Variants in CNOT7 observed in about 807,000 individuals in gnomAD.
The protein encoded by CNOT7 is CCR4-NOT transcription complex subunit 7.
CNOT7 carries 4 observed loss-of-function variants against 37.1 expected under a neutral mutation model. That is an observed-to-expected ratio of 0.11 (90% CI 0.05 to 0.25). The LOEUF is 0.25. CNOT7 is among the 10% of genes least tolerant of loss of function. The pLI, the probability that CNOT7 is intolerant of heterozygous loss-of-function variation, is 1.00. For missense variants in CNOT7, 170 were observed against 336.2 expected, an observed-to-expected ratio of 0.51 and a Z score of 3.87; for synonymous variants, 128 against 115.6, an observed-to-expected ratio of 1.11 and a Z score of -0.69.
At chr8:17,235,117 T>A (rs906844866) in intron 4 of CNOT7, among the ~76,000 whole-genome samples, 1 of 152,148 alleles carries the variant, frequency 6.6e-6, no homozygotes, top group Non-Finnish European at 1.5e-5. Context: ...AACCAGCCTA[T>A]GGTCAATAAA....
At position 17,245,068 on chromosome 8, in the gene CNOT7, G is replaced by T. The variant is rs1201029345; in HGVS notation, c.85C>A (p.Gln29Lys). The T allele has an allele frequency of 1.2e-6, 2 of 1,613,528 alleles. No homozygotes were observed. The highest frequency in any genetic ancestry group is 2.7e-5 in the African/African-American group (2 of 74,868). The change falls in exon 2 of 7, where the codon CAA becomes AAA. Residue 29 changes from glutamine to lysine, a missense_variant. Coordinates refer to ENST00000361272, the MANE Select transcript of CNOT7 (RefSeq NM_013354.7). ...ACGTAATTATATTTTCGGATAACTT[G>T]ACGAATTTTCTTCATCTCTTCATCC... ...NLDEEMKKIR[Q>K]VIRKYNYVAM...
At chr8:17,242,968 G>A in intron 3 of CNOT7, 24 bp downstream of exon 3, 2 of 1,529,832 alleles carry the variant, frequency 1.3e-6, no homozygotes, top group Non-Finnish European at 1.8e-6. Context: ...AAAAGTCTGG[G>A]TTATACAGTT....
Position 17,237,285 on chromosome 8 carries a change from G to C in CNOT7, c.400C>G (p.Gln134Glu). The C allele has an allele frequency of 6.2e-7, 1 of 1,614,072 alleles. No individual in the cohort carries two copies. Among genetic ancestry groups the C allele is most frequent in the Non-Finnish European group, 8.5e-7 (1 of 1,179,950 alleles). The change falls in exon 4 of 7, where the codon CAG becomes GAG. Residue 134 changes from glutamine (Q) to glutamate (E), a missense_variant. Physicochemically the swap from Gln to Glu is conservative, Grantham distance 29. Around this residue, in one of 6 missense-constraint regions of CNOT7, gnomAD observed 68 missense variants for 151.1 expected, o/e 0.45. Coordinates refer to ENST00000361272, the MANE Select transcript of CNOT7 (RefSeq NM_013354.7). ...KKHEEEGIET[Q>E]YFAELLMTSG... ...GTCATAAGAAGTTCTGCAAAGTACTGGGTTTCAATTCCTTCCTCCTCATGT... is the reference window on the plus strand; with the variant it reads ...GTCATAAGAAGTTCTGCAAAGTACTCGGTTTCAATTCCTTCCTCCTCATGT...
At chr8:17,241,797 G>A (rs902514674) in intron 3 of CNOT7, 3 of 152,166 alleles carry the variant, frequency 2.0e-5, no homozygotes, top group Non-Finnish European at 2.9e-5. Flanking sequence ...AAGTTCCTAC[G>A]GCATATTTCT....
rs1313294772 is a variant in CNOT7 at position 17,225,071 on chromosome 8, C to T, written c.*5649G>A. 1 of 151,660 alleles carries T rather than the reference C, an allele frequency of 6.6e-6. No homozygotes were observed. The highest frequency in any genetic ancestry group is 6.6e-5 in the Admixed American group (1 of 15,196). The allele number at this position is 151,660 out of a possible 1,614,324, so 9.4% of individuals were successfully genotyped here. A position where few individuals can be genotyped will look rare whatever the true frequency, so the allele number is the denominator to read the frequency against. ...TTAGAAAAACAAAACAGGTATATGGCATGAGTGAAACAGTTCCCCATTAAA... is the reference window on the plus strand; with the variant it reads ...TTAGAAAAACAAAACAGGTATATGGTATGAGTGAAACAGTTCCCCATTAAA... On this transcript the variant is annotated 3_prime_UTR_variant, in exon 7 of 7. Transcript: ENST00000361272.
At chr8:17,236,531 ACT>A (rs1254303819) in intron 4 of CNOT7, among the ~76,000 whole-genome samples, 1 of 152,150 alleles carries the variant, frequency 6.6e-6, no homozygotes, top group African/African-American at 2.4e-5. Flanking sequence ...TTGAGAATTT[ACT>A]GTTTATAAAG....
intron 3 of CNOT7, among the ~76,000 whole-genome samples, chr8:17,238,332 CA>C (rs1809659167): frequency 6.7e-6 from 1 of 150,098 alleles, no homozygotes; most frequent in African/African-American, 2.5e-5. Context: ...TCACTTGGGC[CA>C]AAAAGTATCG....
intron 2 of CNOT7, 94 bp from the exon 3 acceptor site, chr8:17,243,279 G>A (rs1178202323): frequency 1.1e-6 from 1 of 922,676 alleles, no homozygotes. Context: ...GAATCCTACA[G>A]ATGATATTCT....
intron 2 of CNOT7, chr8:17,243,576 C>T (rs1197311984): frequency 8.7e-6 from 4 of 460,760 alleles, no homozygotes; most frequent in South Asian, 6.2e-5. Context: ...ACGCCCTGTA[C>T]TTTCCAATTG....
chr8:17,233,830 T>G (rs1808956858), intron 5 of CNOT7, among the ~76,000 whole-genome samples: 1 of 152,180 alleles, frequency 6.6e-6, no homozygotes, highest in African/African-American at 2.4e-5. Context: ...AAAGAAAGCT[T>G]CTCATCTTCA....
rs1264964665 is a variant in CNOT7, at chr8:17,245,159, G to A, written c.-7C>T. 1.2e-6 allele frequency: 2 copies of A among 1,605,524 alleles called. No individual in the cohort carries two copies. The highest frequency in any genetic ancestry group is 2.2e-5 in the South Asian group (2 of 89,524). On this transcript the variant is annotated 5_prime_UTR_variant, in exon 2 of 7. Coordinates refer to ENST00000361272, the MANE Select transcript of CNOT7 (RefSeq NM_013354.7). ...CTACAGTTGCCGCTGGCATAGTGAG[G>A]GCACAAGGGAGTCTAGATGCCAAGC...
chr8:17,231,784 A>G (rs1808653402), intron 6 of CNOT7: 2 of 985,404 alleles, frequency 2.0e-6, no homozygotes, highest in Admixed American at 6.2e-5. Context: ...CATCCCTAAC[A>G]CTTTATACTC....
intron 4 of CNOT7, 88 bp downstream of exon 4, chr8:17,237,124 C>A (rs1013337579): frequency 3.1e-6 from 4 of 1,307,008 alleles, no homozygotes; most frequent in South Asian, 2.6e-5. Context: ...CAGAATTAAA[C>A]CTGAAATTGC....
rs1046315912 is a variant in CNOT7 at position 17,246,818 on chromosome 8, G to A, written c.-239C>T. On this transcript the variant is annotated 5_prime_UTR_variant, in exon 1 of 7. Coordinates refer to ENST00000361272, the MANE Select transcript of CNOT7 (RefSeq NM_013354.7). ...CGCCCAGCGAAGGGAAAGGCGAGCA[G>A]GAGCTGCGCCGCACCGTGCTGCGCC... is the stretch of plus-strand genomic sequence containing the variant. 6 of 214,442 alleles carry A rather than the reference G, an allele frequency of 2.8e-5. No individual in the cohort carries two copies. Among genetic ancestry groups the A allele is most frequent in the African/African-American group, 4.8e-5 (2 of 41,944 alleles). The allele number at this position is 214,442 out of a possible 1,614,324, so 13.3% of individuals were successfully genotyped here. A position where few individuals can be genotyped will look rare whatever the true frequency, so the allele number is the denominator to read the frequency against.
At chr8:17,243,317 A>AT (rs1810443086) in intron 2 of CNOT7, 132 bp from the exon 3 acceptor site, 1 of 706,554 alleles carries the variant, frequency 1.4e-6, no homozygotes, top group Admixed American at 2.9e-5. Context: ...TACAAAGTAT[A>AT]TTTTAACTAG....
chr8:17,231,985 A>G (rs997778722), intron 6 of CNOT7: 20 of 992,720 alleles, frequency 2.0e-5, no homozygotes, highest in African/African-American at 7.0e-5. Context: ...AGCAAATAAT[A>G]TATTTATCAC....
chr8:17,236,411 T>A (rs1809367588), intron 4 of CNOT7, among the ~76,000 whole-genome samples: 1 of 152,230 alleles, frequency 6.6e-6, no homozygotes, highest in African/African-American at 2.4e-5. Context: ...ATGGGAAAAC[T>A]CTTTTTCATA....
rs1300339905 is a variant in CNOT7, at chr8:17,232,326, TTTAC to T, written c.729+97_729+100del. On this transcript the variant is annotated intron_variant, in intron 6 of 6. Transcript: ENST00000361272. ...CTCATATGGTATCTCTAATTATATC[TTTAC>T]TTAGTAGGTACTTGTTGCCCAAAAT... The T allele has an allele frequency of 5.0e-6, 8 of 1,590,172 alleles. No individual in the cohort carries two copies. In the African/African-American group the frequency reaches 1.1e-4, roughly 22 times the overall value.
chr8:17,241,647 G>T (rs1439550056), intron 3 of CNOT7: 1 of 152,128 alleles, frequency 6.6e-6, no homozygotes, highest in East Asian at 1.9e-4. Flanking sequence ...ATGTCAAACA[G>T]AAGAACAATG....
Sources: gnomAD v4.1 joint callset for allele counts (sites outside exome capture counted in the v4.1 genomes callset) on GRCh38, gnomAD v4.1.1 for gene constraint, gnomAD v4.1.1 regional missense constraint, MANE v1.5 for transcripts, NCBI Gene and HGNC (gene_info 2026-07-23, HGNC 2026-07-21) for gene names.